The following CCDC85C variants were observed in gnomAD, a reference collection of about 807,000 sequenced individuals.
The protein encoded by CCDC85C is coiled-coil domain-containing protein 85C.
A neutral mutation model predicts 38.3 loss-of-function variants in CCDC85C; 18 were observed. The observed-to-expected ratio is 0.47, with a 90% CI of 0.33 to 0.70. CCDC85C has a LOEUF of 0.70. Ranked by LOEUF, CCDC85C falls within the 30% of genes least tolerant of loss-of-function variation. The pLI, the probability that CCDC85C is intolerant of heterozygous loss-of-function variation, is 0.03. For missense variants in CCDC85C, 566 were observed against 621.2 expected (o/e 0.91, Z 0.94); for synonymous variants, 264 against 293.8 (o/e 0.90, Z 1.04).
At chr14:99,517,286 A>C (rs1897242408) in intron 3 of CCDC85C, 103 bp from the exon 4 acceptor site, 4 of 872,946 alleles carry the variant, frequency 4.6e-6, no homozygotes, top group Non-Finnish European at 6.9e-6. Flanking sequence ...GGGCCCAGGC[A>C]GGAGGAAAAG....
In CCDC85C at chr14:99,501,189, G is replaced by A. The variant is rs535969186; in HGVS notation, c.*14057C>T. 24 of 620,980 alleles carry A rather than the reference G, an allele frequency of 3.9e-5. No homozygotes were observed. The highest frequency in any genetic ancestry group is 6.6e-5 in the Non-Finnish European group (23 of 350,806). The allele number at this position is 620,980 out of a possible 1,614,324, so 38.5% of individuals were successfully genotyped here. Reference sequence around the variant, plus strand: ...GTTCAGCGTAGGTCATGAGGAGGAAGAAGGGGTAGGATGTGGACCCACATC... The same window carrying A: ...GTTCAGCGTAGGTCATGAGGAGGAAAAAGGGGTAGGATGTGGACCCACATC... On this transcript the variant is annotated 3_prime_UTR_variant, in exon 6 of 6. Coordinates refer to ENST00000380243, the MANE Select transcript of CCDC85C (RefSeq NM_001144995.2).
In CCDC85C at chr14:99,501,267, T is replaced by C. The variant is rs1480349345; in HGVS notation, c.*13979A>G. The C allele has an allele frequency of 8.3e-6, 7 of 844,018 alleles. No homozygotes were observed. Among genetic ancestry groups the C allele is most frequent in the Non-Finnish European group, 1.4e-5 (7 of 491,026 alleles). 52.3% of individuals were successfully genotyped at this position (844,018 alleles called of 1,614,324 possible). A position where few individuals can be genotyped will look rare whatever the true frequency, so the allele number is the denominator to read the frequency against. On this transcript the variant is annotated 3_prime_UTR_variant, in exon 6 of 6. Coordinates refer to ENST00000380243, the MANE Select transcript of CCDC85C (RefSeq NM_001144995.2). ...TCTTTGCTGTGTATTTGAGTGGTGC[T>C]GAACACGTGGTAGGTTTTTAATAAA...
chr14:99,603,657 C>T lies in CCDC85C; in HGVS notation c.303G>A (p.Leu101=), dbSNP rs2055235938. 2.0e-6 allele frequency: 3 copies of T among 1,480,536 alleles called. No homozygotes were observed. Among genetic ancestry groups the T allele is most frequent in the African/African-American group, 1.5e-5 (1 of 68,418 alleles). 91.7% of individuals were successfully genotyped at this position (1,480,536 alleles called of 1,614,324 possible). A position where few individuals can be genotyped will look rare whatever the true frequency, so the allele number is the denominator to read the frequency against. The change falls in exon 1 of 6, where the codon CTG becomes CTA. Residue 101 remains leucine (L), a synonymous_variant. Transcript: ENST00000380243. The surrounding 1 kb of genome is among the most constrained non-coding windows in gnomAD (Gnocchi z 7.5). ...LDDDRQKGRK[L]AREWQRFGRH... ...GCCCGAAGCGCTGCCACTCGCGCGC[C>T]AGCTTGCGCCCCTTCTGCCGGTCGT...
chr14:99,549,867 G>T (rs182557520), intron 1 of CCDC85C, among the ~76,000 whole-genome samples: 2 of 152,210 alleles, frequency 1.3e-5, no homozygotes, highest in African/African-American at 4.8e-5. Context: ...CCTTTCATGC[G>T]CAGGGCATGT....
At chr14:99,521,085 T>C (rs1897297514) in intron 3 of CCDC85C, among the ~76,000 whole-genome samples, 1 of 152,182 alleles carries the variant, frequency 6.6e-6, no homozygotes. Context: ...GACATAGCAC[T>C]GAGTAACTGC....
At chr14:99,528,945 A>G (rs1897441865) in intron 2 of CCDC85C, among the ~76,000 whole-genome samples, 1 of 152,158 alleles carries the variant, frequency 6.6e-6, no homozygotes, top group African/African-American at 2.4e-5. Context: ...GCACACGTGT[A>G]CTCATGTAAC....
intron 1 of CCDC85C, among the ~76,000 whole-genome samples, chr14:99,549,207 T>C (rs1210575321): frequency 6.6e-6 from 1 of 152,244 alleles, no homozygotes; most frequent in East Asian, 1.9e-4. Flanking sequence ...TTTTTATCTA[T>C]TTCTTAATAA....
Position 99,503,649 on chromosome 14 carries a change from T to C in CCDC85C, c.*11597A>G, listed in dbSNP as rs1324482299. The C allele has an allele frequency of 6.4e-7, 1 of 1,556,966 alleles. No individual in the cohort carries two copies. The highest frequency in any genetic ancestry group is 8.7e-7 in the Non-Finnish European group (1 of 1,148,618). ...AAGAAGAGAACAAAGCAGCAGGTAA[T>C]TTCCTGTTCTGATGTTTTTTTAGTT... On this transcript the variant is annotated 3_prime_UTR_variant, in exon 6 of 6. Coordinates refer to ENST00000380243, the MANE Select transcript of CCDC85C (RefSeq NM_001144995.2).
rs768122300 is a variant in CCDC85C, at chr14:99,507,229, A to G, written c.*8017T>C. The stretch of plus-strand genomic sequence containing the variant: ...CGCAGCAGGTCCTGGGAACTTAGAA[A>G]AGGGAGACTGGGGCCCAGATTGACA... On this transcript the variant is annotated 3_prime_UTR_variant, in exon 6 of 6. Coordinates refer to ENST00000380243, the MANE Select transcript of CCDC85C (RefSeq NM_001144995.2). 1.2e-6 allele frequency: 1 copy of G among 865,280 alleles called. No individual in the cohort carries two copies. The highest frequency in any genetic ancestry group is 2.0e-6 in the Non-Finnish European group (1 of 505,482). The allele number at this position is 865,280 out of a possible 1,614,324, so 53.6% of individuals were successfully genotyped here.
chr14:99,546,461 A>G (rs1193767156), intron 1 of CCDC85C, among the ~76,000 whole-genome samples: 1 of 151,930 alleles, frequency 6.6e-6, no homozygotes, highest in Non-Finnish European at 1.5e-5. Context: ...CTGCGGTGAG[A>G]GCAGTGGTGG....
intron 1 of CCDC85C, among the ~76,000 whole-genome samples, chr14:99,546,033 A>C (rs1897799559): frequency 6.6e-6 from 1 of 150,612 alleles, no homozygotes; most frequent in Non-Finnish European, 1.5e-5. Context: ...TGATGCAACT[A>C]ATCGCGCAGG....
intron 1 of CCDC85C, among the ~76,000 whole-genome samples, chr14:99,559,209 C>T (rs749006762): frequency 3.8e-5 from 4 of 105,292 alleles, no homozygotes; most frequent in Non-Finnish European, 7.9e-5. Flanking sequence ...CAGCCGAATA[C>T]AGGAGTCCCC....
intron 1 of CCDC85C, among the ~76,000 whole-genome samples, chr14:99,591,084 A>T (rs554410624): frequency 2.6e-5 from 4 of 152,348 alleles, no homozygotes; most frequent in African/African-American, 7.2e-5. Context: ...CCTAGTGACA[A>T]GGCCAGGGCA....
intron 1 of CCDC85C, among the ~76,000 whole-genome samples, chr14:99,589,124 G>C (rs559434563): frequency 6.6e-6 from 1 of 152,132 alleles, no homozygotes; most frequent in South Asian, 2.1e-4. Context: ...AGGAGAGCAG[G>C]CAGGGGTGAG....
intron 1 of CCDC85C, among the ~76,000 whole-genome samples, chr14:99,586,667 A>T (rs2055030056): frequency 6.6e-6 from 1 of 152,160 alleles, no homozygotes; most frequent in Non-Finnish European, 1.5e-5. Context: ...CTCTTTAATG[A>T]GGCATTATTT....
At chr14:99,525,708 G>A (rs1477531468) in intron 2 of CCDC85C, among the ~76,000 whole-genome samples, 1 of 152,236 alleles carries the variant, frequency 6.6e-6, no homozygotes, top group Non-Finnish European at 1.5e-5. Context: ...AAGAGGGGGT[G>A]CCCTGTGTCC....
At chr14:99,536,884 A>C (rs1165495745) in intron 1 of CCDC85C, among the ~76,000 whole-genome samples, 1 of 151,892 alleles carries the variant, frequency 6.6e-6, no homozygotes, top group Non-Finnish European at 1.5e-5. Context: ...GCCATCCCAT[A>C]CCCCTGGTCC....
chr14:99,527,475 T>G (rs1897407967), intron 2 of CCDC85C, among the ~76,000 whole-genome samples: 1 of 152,092 alleles, frequency 6.6e-6, no homozygotes, highest in South Asian at 2.1e-4. Flanking sequence ...AATGAAACCA[T>G]GTGGAGACCT....
chr14:99,580,840 G>C (rs2054960533), intron 1 of CCDC85C, among the ~76,000 whole-genome samples: 1 of 152,168 alleles, frequency 6.6e-6, no homozygotes. Flanking sequence ...ACTCTAGCCT[G>C]GGTGATAGAG....
Sources: gnomAD v4.1 joint callset for allele counts (sites outside exome capture counted in the v4.1 genomes callset) on GRCh38, gnomAD v4.1.1 for gene constraint, Gnocchi (gnomAD v3.1) non-coding constraint, MANE v1.5 for transcripts, NCBI Gene and HGNC (gene_info 2026-07-23, HGNC 2026-07-21) for gene names.